ANKRD45: variants seen among roughly 807,000 people sequenced by gnomAD.
ANKRD45 encodes ankyrin repeat domain 45.
Under a neutral mutation model 28.1 loss-of-function variants are expected in ANKRD45, and 21 were observed. That is an observed-to-expected ratio of 0.75 (90% CI 0.53 to 1.08). ANKRD45 has a LOEUF of 1.08. Among genes scored for constraint, ANKRD45 ranks in the 50% least tolerant of loss-of-function variants. The probability of loss-of-function intolerance (pLI) is 0.00; values close to 1 mark genes in which losing one functional copy is unlikely to be tolerated. For missense variants in ANKRD45, 261 were observed against 308.7 expected, an observed-to-expected ratio of 0.85 and a Z score of 1.16; for synonymous variants, 86 against 103.9, an observed-to-expected ratio of 0.83 and a Z score of 1.05.
chr1:173,690,063 C>CG, the ANKRD45 span, among the ~76,000 whole-genome samples: 56 of 49,646 alleles, frequency 1.1e-3, 3 homozygotes, highest in Non-Finnish European at 1.7e-3. Flanking sequence ...CTGCCCCCCG[C>CG]CCCCCCCCCC....
the ANKRD45 span, among the ~76,000 whole-genome samples, chr1:173,703,594 C>G: frequency 3.3e-5 from 5 of 152,198 alleles, no homozygotes; most frequent in Non-Finnish European, 7.3e-5. Flanking sequence ...TCCAGCCAAG[C>G]CATTCATTGC....
chr1:173,698,504 A>G, the ANKRD45 span, among the ~76,000 whole-genome samples: 1 of 152,328 alleles, frequency 6.6e-6, no homozygotes, highest in African/African-American at 2.4e-5. Context: ...ATTAGAATGC[A>G]GGATTAAGAG....
At chr1:173,646,795 G>A in intron 3 of ANKRD45, 51 bp downstream of exon 3, 1 of 1,574,388 alleles carries the variant, frequency 6.4e-7, no homozygotes, top group Non-Finnish European at 8.7e-7. Context: ...ACTCATAGGA[G>A]AAAAACTCAT....
At chr1:173,633,807 C>T (rs1336211581) in intron 3 of ANKRD45, among the ~76,000 whole-genome samples, 3 of 152,012 alleles carry the variant, frequency 2.0e-5, no homozygotes, top group African/African-American at 7.2e-5. Context: ...TGAAACTCGA[C>T]CCCATCTCTC....
At chr1:173,618,718 G>T (rs1571689801) in intron 5 of ANKRD45, among the ~76,000 whole-genome samples, 1 of 152,246 alleles carries the variant, frequency 6.6e-6, no homozygotes, top group East Asian at 1.9e-4. Context: ...CATACTTCAG[G>T]ATATTATCCA....
chr1:173,689,430 T>G, the ANKRD45 span, among the ~76,000 whole-genome samples: 9 of 152,182 alleles, frequency 5.9e-5, no homozygotes, highest in African/African-American at 1.9e-4. Flanking sequence ...TTTTTTTCTC[T>G]TTTTCTTCAT....
chr1:173,663,940 T>C (rs186461594), intron 1 of ANKRD45, among the ~76,000 whole-genome samples: 1 of 152,334 alleles, frequency 6.6e-6, no homozygotes, highest in Admixed American at 6.5e-5. Context: ...TTTGTACATA[T>C]ATATTTCTTT....
chr1:173,651,577 G>A (rs971533594), intron 2 of ANKRD45, among the ~76,000 whole-genome samples: 1 of 152,180 alleles, frequency 6.6e-6, no homozygotes, highest in Non-Finnish European at 1.5e-5. Flanking sequence ...TGGCAATGCA[G>A]GGTCTTTTTT....
intron 2 of ANKRD45, among the ~76,000 whole-genome samples, chr1:173,653,263 C>T (rs965000398): frequency 6.6e-6 from 1 of 152,208 alleles, no homozygotes; most frequent in African/African-American, 2.4e-5. Flanking sequence ...CTACACACTG[C>T]TTTAAATGTG....
the ANKRD45 span, among the ~76,000 whole-genome samples, chr1:173,680,976 G>A: frequency 2.1e-5 from 3 of 145,188 alleles, no homozygotes; most frequent in South Asian, 6.7e-4. Context: ...GGGTGGGGGG[G>A]AGGCGGGGTG....
intron 3 of ANKRD45, among the ~76,000 whole-genome samples, chr1:173,637,664 T>C (rs1200925203): frequency 2.0e-5 from 3 of 152,272 alleles, no homozygotes; most frequent in African/African-American, 4.8e-5. Flanking sequence ...GACACAGCAG[T>C]AGGGTGGATG....
At chr1:173,708,886 T>C in the ANKRD45 span, among the ~76,000 whole-genome samples, 1 of 152,240 alleles carries the variant, frequency 6.6e-6, no homozygotes, top group African/African-American at 2.4e-5. Flanking sequence ...GACCCCGGTC[T>C]TCTAGCTCCC....
At chr1:173,622,736 C>G (rs1341037541) in intron 5 of ANKRD45, among the ~76,000 whole-genome samples, 1 of 152,152 alleles carries the variant, frequency 6.6e-6, no homozygotes, top group Admixed American at 6.5e-5. Context: ...CCATTCAGGA[C>G]ATAGGTGCAG....
chr1:173,693,972 G>T, the ANKRD45 span, among the ~76,000 whole-genome samples: 1 of 152,212 alleles, frequency 6.6e-6, no homozygotes, highest in African/African-American at 2.4e-5. Flanking sequence ...GCCATAGGTT[G>T]CTGGCTAGAA....
At chr1:173,641,958 G>A (rs1668719319) in intron 3 of ANKRD45, among the ~76,000 whole-genome samples, 1 of 152,168 alleles carries the variant, frequency 6.6e-6, no homozygotes, top group East Asian at 1.9e-4. Flanking sequence ...GAGCAAATAA[G>A]ACCTACCAGC....
At chr1:173,711,600 CT>C in the ANKRD45 span, among the ~76,000 whole-genome samples, 1 of 152,182 alleles carries the variant, frequency 6.6e-6, no homozygotes, top group African/African-American at 2.4e-5. Flanking sequence ...TGACTTTTCC[CT>C]TTAGCTTAGT....
chr1:173,651,368 G>GT (rs1669211295), intron 2 of ANKRD45, among the ~76,000 whole-genome samples: 1 of 152,066 alleles, frequency 6.6e-6, no homozygotes, highest in Admixed American at 6.5e-5. Context: ...CCCATTTCTT[G>GT]TTTTTGTCGG....
At chr1:173,613,517 C>T (rs1667298545) in intron 5 of ANKRD45, among the ~76,000 whole-genome samples, 2 of 149,808 alleles carry the variant, frequency 1.3e-5, no homozygotes, top group African/African-American at 4.9e-5. Flanking sequence ...GGGGCTCAGC[C>T]CCCGCCCGGC....
intron 3 of ANKRD45, among the ~76,000 whole-genome samples, chr1:173,633,406 A>T (rs1243457947): frequency 1.3e-5 from 2 of 152,084 alleles, no homozygotes; most frequent in African/African-American, 4.8e-5. Flanking sequence ...TATTGTTAAA[A>T]TGCTCATACT....
Sources: allele counts gnomAD v4.1 joint callset (sites outside exome capture counted in the v4.1 genomes callset), GRCh38; gene constraint gnomAD v4.1.1; transcripts MANE v1.5; gene names NCBI Gene and HGNC (gene_info 2026-07-23, HGNC 2026-07-21).